Variants in FOXP2 observed in about 807,000 individuals in gnomAD.
FOXP2 encodes forkhead box P2.
FOXP2 carries 12 observed loss-of-function variants against 115.8 expected under a neutral mutation model. The ratio of observed to expected loss-of-function variants is 0.10; its 90% confidence interval spans 0.07 to 0.17. FOXP2 has a LOEUF of 0.17. Ranked by LOEUF, FOXP2 falls within the 10% of genes least tolerant of loss-of-function variation. FOXP2 has a pLI of 1.00. For synonymous variants in FOXP2, 328 were observed against 297.7 expected (o/e 1.10, Z -1.05); for missense variants, 629 against 843.5 (o/e 0.75, Z 3.15).
intron 2 of FOXP2, among the ~76,000 whole-genome samples, chr7:114,513,723 C>T (rs927396710): frequency 4.6e-5 from 7 of 152,118 alleles, no homozygotes; most frequent in African/African-American, 7.2e-5. Context: ...AAACATAAAT[C>T]TGCAGAGTAA....
intron 6 of FOXP2, among the ~76,000 whole-genome samples, chr7:114,635,847 G>A (rs532727161): frequency 6.6e-6 from 1 of 152,138 alleles, no homozygotes; most frequent in Admixed American, 6.5e-5. Context: ...AAACATCATT[G>A]GTTTTGTAAT....
At chr7:114,172,966 A>G (rs972666396) in intron 1 of FOXP2, among the ~76,000 whole-genome samples, 2 of 152,072 alleles carry the variant, frequency 1.3e-5, no homozygotes, top group Admixed American at 1.3e-4. Flanking sequence ...CTATTTCCAT[A>G]TATTTAATAA....
intron 2 of FOXP2, among the ~76,000 whole-genome samples, chr7:114,483,639 G>C (rs1459616334): frequency 6.6e-6 from 1 of 151,330 alleles, no homozygotes; most frequent in Admixed American, 6.6e-5. Context: ...TCATTTTTTG[G>C]CATTTAATGA....
At chr7:114,441,877 A>T (rs1439412905) in intron 2 of FOXP2, among the ~76,000 whole-genome samples, 12 of 152,198 alleles carry the variant, frequency 7.9e-5, no homozygotes, top group Non-Finnish European at 1.5e-5. Flanking sequence ...TGACAAGAAC[A>T]TGGAGAAACA....
rs144401689 is a variant in FOXP2, at chr7:114,396,083, G to C, written c.-10-30419G>C. On this transcript the variant is annotated intron_variant, in intron 2 of 17. Coordinates refer to the FOXP2 transcript ENST00000634411. ...TATTATTGGCTTTAGTCACCCTATT[G>C]TGCTATCAAATAGTAGGCCTTATTT... Among the ~76,000 whole-genome samples the C allele has an allele frequency of 2.5e-3, 380 of 151,742 alleles. 2 individuals are homozygous for C. Among genetic ancestry groups the C allele is most frequent in the African/African-American group, 8.8e-3 (366 of 41,402 alleles).
At chr7:114,254,560 T>A (rs1056853079) in intron 1 of FOXP2, among the ~76,000 whole-genome samples, 1 of 152,230 alleles carries the variant, frequency 6.6e-6, no homozygotes, top group African/African-American at 2.4e-5. Flanking sequence ...CAATCACTGA[T>A]ACCCTTTCTT....
chr7:114,592,867 C>T (rs1420547229), intron 3 of FOXP2, among the ~76,000 whole-genome samples: 2 of 151,950 alleles, frequency 1.3e-5, no homozygotes, highest in African/African-American at 4.8e-5. Context: ...TAGCACTCTC[C>T]TTCATTGCAA....
intron 4 of FOXP2, chr7:114,628,984 G>A: frequency 3.0e-6 from 1 of 337,912 alleles, no homozygotes. Context: ...CCAAAAAAAT[G>A]CAAAAATACT....
intron 2 of FOXP2, among the ~76,000 whole-genome samples, chr7:114,307,510 C>A (rs1007914364): frequency 1.1e-4 from 17 of 152,130 alleles, no homozygotes; most frequent in Non-Finnish European, 1.3e-4. Context: ...TATATGCATT[C>A]TGTGGCCCTT....
At chr7:114,537,145 A>G (rs1279984051) in intron 3 of FOXP2, among the ~76,000 whole-genome samples, 1 of 151,614 alleles carries the variant, frequency 6.6e-6, no homozygotes, top group East Asian at 1.9e-4. Context: ...TTGATATGAA[A>G]TTAGCATTTT....
intron 2 of FOXP2, among the ~76,000 whole-genome samples, chr7:114,343,818 C>G (rs544486119): frequency 1.3e-5 from 2 of 151,690 alleles, no homozygotes; most frequent in South Asian, 4.1e-4. Flanking sequence ...ATACAGTAGC[C>G]ATTCCTTCCC....
chr7:114,173,963 T>A (rs990031577), intron 1 of FOXP2, among the ~76,000 whole-genome samples: 1 of 151,930 alleles, frequency 6.6e-6, no homozygotes, highest in East Asian at 1.9e-4. Context: ...AGAATTTATA[T>A]TGATTTTTGG....
intron 2 of FOXP2, among the ~76,000 whole-genome samples, chr7:114,492,145 T>C (rs1205655260): frequency 6.6e-6 from 1 of 152,176 alleles, no homozygotes; most frequent in East Asian, 1.9e-4. Context: ...CTTGGGAGGG[T>C]GTATGTGTCC....
chr7:114,254,399 G>T (rs555200091), intron 1 of FOXP2, among the ~76,000 whole-genome samples: 7 of 152,270 alleles, frequency 4.6e-5, no homozygotes, highest in East Asian at 3.9e-4. Context: ...TTCCAACTTG[G>T]TTCCATTCTC....
chr7:114,303,181 A>C (rs1322627213), intron 2 of FOXP2, among the ~76,000 whole-genome samples: 2 of 152,076 alleles, frequency 1.3e-5, no homozygotes, highest in African/African-American at 2.4e-5. Context: ...ACCCCATATC[A>C]CTTATTGTTA....
intron 2 of FOXP2, among the ~76,000 whole-genome samples, chr7:114,470,092 A>C (rs1795981863): frequency 6.6e-6 from 1 of 152,194 alleles, no homozygotes; most frequent in African/African-American, 2.4e-5. Context: ...TACAAATGAA[A>C]TAAATTTTCA....
chr7:114,264,492 A>G (rs1242890721), intron 1 of FOXP2, among the ~76,000 whole-genome samples: 1 of 152,136 alleles, frequency 6.6e-6, no homozygotes, highest in South Asian at 2.1e-4. Flanking sequence ...TCTGGGCCAA[A>G]TGTTAACTCC....
At chr7:114,139,132 G>A (rs887042020) in intron 1 of FOXP2, among the ~76,000 whole-genome samples, 2 of 152,084 alleles carry the variant, frequency 1.3e-5, no homozygotes, top group Non-Finnish European at 2.9e-5. Flanking sequence ...GCATACTATA[G>A]ACCAGGTACT....
In FOXP2 at chr7:114,304,355, A is replaced by G. The variant is rs1796953831; in HGVS notation, c.-11+16246A>G. On this transcript the variant is annotated intron_variant, in intron 2 of 17. Coordinates refer to the FOXP2 transcript ENST00000634411. ...GTGTTAATAAAAAATTATATCATTC[A>G]TTTTTATCCTTCATTTTTATATTGT... 1.3e-5 allele frequency among the ~76,000 whole-genome samples: 2 copies of G among 151,984 alleles called. 1 individual carries two copies. The highest frequency in any genetic ancestry group is 4.1e-4 in the South Asian group (2 of 4,822).
Sources: gnomAD v4.1 joint callset for allele counts (sites outside exome capture counted in the v4.1 genomes callset) on GRCh38, gnomAD v4.1.1 for gene constraint, MANE v1.5 for transcripts, NCBI Gene and HGNC (gene_info 2026-07-23, HGNC 2026-07-21) for gene names.